SLC6A15: variants seen among roughly 807,000 people sequenced by gnomAD.
SLC6A15 encodes sodium-dependent neutral amino acid transporter B(0)AT2.
In SLC6A15, 33 loss-of-function variants were observed where a neutral mutation model predicts 68.5. The ratio of observed to expected loss-of-function variants is 0.48; its 90% CI spans 0.37 to 0.64. The LOEUF (loss-of-function observed/expected upper bound fraction) is 0.64. SLC6A15 is among the 30% of genes least tolerant of loss of function. The pLI, the probability that SLC6A15 is intolerant of heterozygous loss-of-function variation, is 0.00. For synonymous variants in SLC6A15, 347 were observed against 301.0 expected (o/e 1.15, Z -1.58); for missense variants, 747 against 874.3 (o/e 0.85, Z 1.84).
At position 84,875,193 on chromosome 12, in the gene SLC6A15, AT is replaced by A. The variant is rs1188693667; in HGVS notation, c.867+1303del. On this transcript the variant is annotated intron_variant, in intron 6 of 11. Coordinates refer to ENST00000266682, the MANE Select transcript of SLC6A15 (RefSeq NM_182767.6). ...TTTGGTTGTCTTGAACTCAGAAAAC[AT>A]TTTCTTCAATATTATACATATAAGT... Among the ~76,000 whole-genome samples the A allele has an allele frequency of 3.3e-5, 5 of 152,172 alleles. No individual in the cohort carries two copies. The East Asian group carries it at 9.6e-4, about 29-fold the overall frequency.
rs34335324 is a variant in SLC6A15, at chr12:84,910,928, C to CGTGTGTGTGTGTGTGTGTGTGTGTGT, written c.-189+1569_-189+1594dup. On this transcript the variant is annotated intron_variant, in intron 1 of 11. Coordinates refer to ENST00000266682, the MANE Select transcript of SLC6A15 (RefSeq NM_182767.6). The stretch of plus-strand genomic sequence containing the variant: ...ATTTGCTGTTGAGCCGCCCTCTTTC[C>CGTGTGTGTGTGTGTGTGTGTGTGTGT]GTGTGTGTGTGTGTGTGTGTGTGTG... Among the ~76,000 whole-genome samples, 10 of 143,546 alleles carry CGTGTGTGTGTGTGTGTGTGTGTGTGT rather than the reference C, an allele frequency of 7.0e-5. No homozygotes were observed. The East Asian group carries it at 1.6e-3, about 23-fold the overall frequency. 94.2% of individuals were successfully genotyped at this position (143,546 alleles called of 152,430 possible).
intron 1 of SLC6A15, among the ~76,000 whole-genome samples, chr12:84,901,419 T>A (rs1872871969): frequency 6.6e-6 from 1 of 151,822 alleles, no homozygotes; most frequent in South Asian, 2.1e-4. Flanking sequence ...CACAGTTTTT[T>A]AAACACATAT....
intron 1 of SLC6A15, among the ~76,000 whole-genome samples, chr12:84,904,894 C>A (rs767908824): frequency 6.6e-6 from 1 of 152,092 alleles, no homozygotes; most frequent in East Asian, 1.9e-4. Flanking sequence ...AGAAATAGAA[C>A]ATTTAATAGC....
At chr12:84,869,416 C>G (rs1315478746) in intron 9 of SLC6A15, among the ~76,000 whole-genome samples, 1 of 144,790 alleles carries the variant, frequency 6.9e-6, no homozygotes, top group Non-Finnish European at 1.5e-5. Flanking sequence ...GAGCTGAGAT[C>G]GCACTACTGC....
In SLC6A15 at chr12:84,883,578, G is replaced by T; in HGVS notation, c.756+281C>A. On this transcript the variant is annotated intron_variant, in intron 5 of 11. Coordinates refer to ENST00000266682, the MANE Select transcript of SLC6A15 (RefSeq NM_182767.6). ...AACATTAGGACTAATTGAATAAAGG[G>T]CAAAAAGAAAGGACTTTTAAGTATT... 5 of 1,385,030 alleles carry T rather than the reference G, an allele frequency of 3.6e-6. No homozygotes were observed. The East Asian group carries it at 1.3e-4, about 36-fold the overall frequency. The allele number at this position is 1,385,030 out of a possible 1,614,324, so 85.8% of individuals were successfully genotyped here.
At chr12:84,894,602 C>T (rs557185140) in intron 1 of SLC6A15, among the ~76,000 whole-genome samples, 22 of 152,108 alleles carry the variant, frequency 1.4e-4, no homozygotes, top group African/African-American at 5.1e-4. Context: ...CAAATTTTTA[C>T]GGAAAATACT....
rs1451536489 is a variant in SLC6A15 at position 84,892,076 on chromosome 12, A to T, written c.45T>A (p.Asp15Glu). The T allele has an allele frequency of 1.9e-6, 3 of 1,613,610 alleles. No individual in the cohort carries two copies. Among genetic ancestry groups the T allele is most frequent in the Non-Finnish European group, 2.5e-6 (3 of 1,179,936 alleles). Residue 15 changes from aspartate to glutamate, a missense_variant, in exon 2 of 12, where the codon GAT (aspartate) becomes GAA (glutamate). By Grantham distance (45) the Asp-to-Glu change is conservative (BLOSUM62 2). Coordinates refer to ENST00000266682, the MANE Select transcript of SLC6A15 (RefSeq NM_182767.6). Reference protein sequence around the residue: ...SKVVKRELDDDVTESVKDLLS... With the variant: ...SKVVKRELDDEVTESVKDLLS... ...GAAGGTCTTTGACAGACTCAGTAAC[A>T]TCATCATCTAATTCTCTTTTTACCA...
At chr12:84,897,079 G>T (rs888543927) in intron 1 of SLC6A15, among the ~76,000 whole-genome samples, 9 of 152,126 alleles carry the variant, frequency 5.9e-5, no homozygotes, top group African/African-American at 2.2e-4. Flanking sequence ...TGTAATCCCA[G>T]ATACTCAGGA....
chr12:84,867,738 T>A (rs150692786), intron 9 of SLC6A15: 2 of 152,214 alleles, frequency 1.3e-5, no homozygotes, highest in East Asian at 3.9e-4. Flanking sequence ...TCAGCAACAA[T>A]CCACATTTAT....
At chr12:84,875,210 A>ATGTATAATAT (rs1871464118) in intron 6 of SLC6A15, among the ~76,000 whole-genome samples, 1 of 152,188 alleles carries the variant, frequency 6.6e-6, no homozygotes, top group African/African-American at 2.4e-5. Flanking sequence ...TCAATATTAT[A>ATGTATAATAT]CATATAAGTA....
intron 10 of SLC6A15, 106 bp downstream of exon 10, chr12:84,866,928 T>G (rs1439015167): frequency 2.0e-6 from 2 of 1,011,102 alleles, no homozygotes; most frequent in Admixed American, 6.8e-5. Context: ...TTTAAAGAAT[T>G]GTTCCCTCTA....
chr12:84,874,818 T>G (rs78847611), intron 6 of SLC6A15, among the ~76,000 whole-genome samples: 6,075 of 152,274 alleles, frequency 0.04, 399 homozygotes, highest in African/African-American at 0.14. Context: ...ACTCACTGTT[T>G]CACAAGTATT....
intron 1 of SLC6A15, among the ~76,000 whole-genome samples, chr12:84,895,035 T>C (rs1464422697): frequency 6.6e-6 from 1 of 152,080 alleles, no homozygotes; most frequent in East Asian, 1.9e-4. Context: ...AATGATATTA[T>C]AAATAAAATT....
intron 5 of SLC6A15, chr12:84,883,238 A>G: frequency 1.0e-6 from 1 of 985,206 alleles, no homozygotes; most frequent in Non-Finnish European, 1.2e-6. Flanking sequence ...ATAACAAACA[A>G]GCTACCTAGA....
At chr12:84,898,284 G>A (rs905593065) in intron 1 of SLC6A15, among the ~76,000 whole-genome samples, 1 of 152,142 alleles carries the variant, frequency 6.6e-6, no homozygotes, top group Non-Finnish European at 1.5e-5. Context: ...ATGTTGCAGT[G>A]AGCTGAGATT....
At position 84,883,150 on chromosome 12, in the gene SLC6A15, T is replaced by C. The variant is rs61070916; in HGVS notation, c.756+709A>G. On this transcript the variant is annotated intron_variant, in intron 5 of 11. Coordinates refer to ENST00000266682, the MANE Select transcript of SLC6A15 (RefSeq NM_182767.6). ...AGCTTTAGAACAATGGCTGTGATAA[T>C]GAAAAAAAAAAAAAAAAAGTAATAC... is the stretch of plus-strand genomic sequence containing the variant. The C allele has an allele frequency of 0.01, 9,664 of 944,282 alleles. 574 individuals are homozygous for C. In the African/African-American group the frequency reaches 0.18, roughly 17 times the overall value. 58.5% of individuals were successfully genotyped at this position (944,282 alleles called of 1,614,324 possible).
At chr12:84,901,585 C>CCT (rs1872884308) in intron 1 of SLC6A15, among the ~76,000 whole-genome samples, 1 of 151,800 alleles carries the variant, frequency 6.6e-6, no homozygotes, top group Admixed American at 6.6e-5. Context: ...TTTCTACCTT[C>CCT]CAAGCCATTG....
At chr12:84,896,339 T>C (rs1872639168) in intron 1 of SLC6A15, among the ~76,000 whole-genome samples, 1 of 152,038 alleles carries the variant, frequency 6.6e-6, no homozygotes, top group Admixed American at 6.5e-5. Flanking sequence ...ATATTGCTCA[T>C]GGACCAAATA....
intron 11 of SLC6A15, among the ~76,000 whole-genome samples, chr12:84,863,182 T>C (rs978605964): frequency 6.6e-6 from 1 of 152,172 alleles, no homozygotes; most frequent in African/African-American, 2.4e-5. Flanking sequence ...AATTATTGGT[T>C]CATCAGTGTT....
Sources: gnomAD v4.1 joint callset for allele counts (sites outside exome capture counted in the v4.1 genomes callset) on GRCh38, gnomAD v4.1.1 for gene constraint, MANE v1.5 for transcripts, NCBI Gene and HGNC (gene_info 2026-07-23, HGNC 2026-07-21) for gene names.